The following TBK1 variants were observed in gnomAD, a reference collection of about 807,000 sequenced individuals.
TBK1 encodes the protein serine/threonine-protein kinase TBK1.
A neutral mutation model predicts 99.9 loss-of-function variants in TBK1; 37 were observed. The observed-to-expected ratio is 0.37, with a 90% CI of 0.28 to 0.49. The LOEUF is 0.49. Among genes scored for constraint, TBK1 ranks in the 20% least tolerant of loss-of-function variants. TBK1 has a pLI of 0.98. For synonymous variants in TBK1, 258 were observed against 279.8 expected (o/e 0.92, Z 0.78); for missense variants, 644 against 872.5 (o/e 0.74, Z 3.30).
chr12:64,479,890 A>T, intron 6 of TBK1, 122 bp from the exon 7 acceptor site: 1 of 600,666 alleles, frequency 1.7e-6, no homozygotes, highest in South Asian at 2.3e-5. Flanking sequence ...TGTGAGCATC[A>T]ATCACAAAGT....
intron 13 of TBK1, among the ~76,000 whole-genome samples, chr12:64,492,654 G>T (rs953698067): frequency 2.6e-5 from 4 of 152,072 alleles, no homozygotes; most frequent in African/African-American, 7.2e-5. Flanking sequence ...ATAGCTTGAG[G>T]TAATGGAGTC....
At chr12:64,458,696 T>C (rs1431962432) in intron 2 of TBK1, among the ~76,000 whole-genome samples, 8 of 152,150 alleles carry the variant, frequency 5.3e-5, no homozygotes, top group Non-Finnish European at 1.0e-4. Flanking sequence ...AGTGGGTATA[T>C]TGCAAAATTG....
intron 2 of TBK1, among the ~76,000 whole-genome samples, chr12:64,458,086 A>AACACACACACAC (rs71092969): frequency 7.7e-5 from 11 of 143,574 alleles, no homozygotes; most frequent in African/African-American, 2.8e-4. Flanking sequence ...GTCTCTACTA[A>AACACACACACAC]ACACACACAC....
At position 64,474,263 on chromosome 12, in the gene TBK1, A is replaced by G. The variant is rs781700275; in HGVS notation, c.574A>G (p.Lys192Glu). The part of the protein sequence containing the change: ...PDMYERAVLR[K>E]DHQKKYGATV... Reference sequence around the variant, plus strand: ...TATGTATGAGAGAGCAGTGCTAAGAAAAGATCATCAGAAGAAATATGGAGC... The same window carrying G: ...TATGTATGAGAGAGCAGTGCTAAGAGAAGATCATCAGAAGAAATATGGAGC... Residue 192 changes from lysine to glutamate, a missense_variant, in exon 6 of 21, where the codon AAA becomes GAA. By Grantham distance (56) the Lys-to-Glu change is moderately conservative. Coordinates refer to ENST00000331710, the MANE Select transcript of TBK1 (RefSeq NM_013254.4). 6.2e-6 allele frequency: 10 copies of G among 1,614,050 alleles called. No homozygotes were observed. The highest frequency in any genetic ancestry group is 1.1e-5 in the South Asian group (1 of 91,066).
chr12:64,470,342 T>C (rs2136066446), intron 5 of TBK1, among the ~76,000 whole-genome samples: 1 of 152,244 alleles, frequency 6.6e-6, no homozygotes, highest in East Asian at 1.9e-4. Context: ...ATAATAGATA[T>C]TTAATATGTA....
chr12:64,465,140 G>A (rs1448389943), intron 4 of TBK1, among the ~76,000 whole-genome samples: 3 of 150,676 alleles, frequency 2.0e-5, no homozygotes, highest in African/African-American at 7.3e-5. Context: ...AGCTACTCAG[G>A]AGGCTGTGGT....
chr12:64,497,621 C>CTTTTTT (rs71092972), intron 18 of TBK1, 27 bp from the exon 19 acceptor site: 7 of 1,025,110 alleles, frequency 6.8e-6, no homozygotes, highest in Middle Eastern at 2.8e-4. Context: ...GGGTTTTTTT[C>CTTTTTT]TTTTTTTTTT....
At chr12:64,464,574 T>C (rs759310252) in intron 4 of TBK1, 111 bp downstream of exon 4, 8 of 799,984 alleles carry the variant, frequency 1.0e-5, no homozygotes, top group Non-Finnish European at 1.4e-5. Flanking sequence ...CTTCATTAGA[T>C]ATGACACCAA....
chr12:64,485,902 A>G lies in TBK1; in HGVS notation c.1249-24A>G, dbSNP rs751782432. 3.9e-6 allele frequency: 6 copies of G among 1,523,652 alleles called. No homozygotes were observed. The South Asian group carries it at 7.6e-5, about 19-fold the overall frequency. The allele number at this position is 1,523,652 out of a possible 1,614,324, so 94.4% of individuals were successfully genotyped here. On this transcript the variant is annotated intron_variant, in intron 10 of 20. Transcript: ENST00000331710. ...CCCTATACCACAATTAGCACCAAAT[A>G]TTGACATTTTATTTCTTTATTAGGC...
chr12:64,454,613 GT>G (rs930761158), intron 1 of TBK1, among the ~76,000 whole-genome samples: 20 of 128,164 alleles, frequency 1.6e-4, no homozygotes, highest in African/African-American at 5.4e-4. Context: ...ATTGGTTAAT[GT>G]TTTTTTTTTC....
Position 64,467,044 on chromosome 12 carries a change from G to A in TBK1, c.502G>A (p.Glu168Lys). 6.2e-7 allele frequency: 1 copy of A among 1,609,696 alleles called. No homozygotes were observed. The highest frequency in any genetic ancestry group is 8.5e-7 in the Non-Finnish European group (1 of 1,177,910). ...FGAARELEDDEQFVSLYGTEE... is the reference protein window; with the variant it reads ...FGAARELEDDKQFVSLYGTEE... ...TGCAGCTAGAGAATTAGAAGATGAT[G>A]AGCAGTTTGTTTCTCTGTATGGCAC... The change falls in exon 5 of 21, where the codon GAG (glutamate) becomes AAG (lysine). Residue 168 changes from glutamate to lysine, a missense_variant. By Grantham distance (56) the Glu-to-Lys change is moderately conservative (BLOSUM62 1). Coordinates refer to ENST00000331710, the MANE Select transcript of TBK1 (RefSeq NM_013254.4).
At position 64,480,122 on chromosome 12, in the gene TBK1, G is replaced by A. The variant is rs56196591; in HGVS notation, c.812G>A (p.Arg271Gln). The change falls in exon 7 of 21, where the codon CGG becomes CAG. Residue 271 changes from arginine (R) to glutamine (Q), a missense_variant and splice_region_variant. This residue lies in a region of TBK1 where 465 missense variants were observed against 588.0 expected (regional missense o/e 0.79). Coordinates refer to ENST00000331710, the MANE Select transcript of TBK1 (RefSeq NM_013254.4). ...GDMPVSCSLSRGLQVLLTPVL... is the reference protein window; with the variant it reads ...GDMPVSCSLSQGLQVLLTPVL... ...ATGCCTGTTTCTTGCAGTCTTTCTCGGTAAGTATGGTGTACCTAATTCTCA... is the reference window on the plus strand; with the variant it reads ...ATGCCTGTTTCTTGCAGTCTTTCTCAGTAAGTATGGTGTACCTAATTCTCA... 114 of 1,607,382 alleles carry A rather than the reference G, an allele frequency of 7.1e-5. 1 individual carries two copies. In the African/African-American group the frequency reaches 1.1e-3, roughly 15 times the overall value.
rs1430032111 is a variant in TBK1 at position 64,484,517 on chromosome 12, T to G, written c.1189+18T>G. ...TGAAAAAAGTAAGTTGGGATTTTTC[T>G]TGTCGTTCTTACTAGCCATTAGAAA... On this transcript the variant is annotated intron_variant, in intron 9 of 20. Transcript: ENST00000331710. The G allele has an allele frequency of 6.3e-7, 1 of 1,591,158 alleles. No homozygotes were observed. The highest frequency in any genetic ancestry group is 1.8e-5 in the Admixed American group (1 of 55,264).
intron 8 of TBK1, among the ~76,000 whole-genome samples, chr12:64,483,146 A>T (rs1354872664): frequency 1.3e-5 from 2 of 152,234 alleles, no homozygotes; most frequent in Non-Finnish European, 2.9e-5. Context: ...TAGCTAAAAA[A>T]ATATAATTTG....
At chr12:64,486,069 A>G in intron 11 of TBK1, 52 bp downstream of exon 11, 1 of 1,268,178 alleles carries the variant, frequency 7.9e-7, no homozygotes. Flanking sequence ...ACCTTGCCCC[A>G]TCATTGATAT....
intron 1 of TBK1, chr12:64,452,826 C>G (rs1433355412): frequency 2.6e-5 from 4 of 152,216 alleles, no homozygotes; most frequent in African/African-American, 9.6e-5. Context: ...TTTGTAATCT[C>G]TATCCCAAGT....
chr12:64,494,600 T>C (rs1161912682), intron 13 of TBK1, among the ~76,000 whole-genome samples: 1 of 152,058 alleles, frequency 6.6e-6, no homozygotes, highest in Non-Finnish European at 1.5e-5. Flanking sequence ...ATAAGGAAAA[T>C]AGTCAATCTG....
Position 64,452,799 on chromosome 12 carries a change from C to T in TBK1, c.-32+612C>T, listed in dbSNP as rs542700200. ...AGACATTTCCTTGCTCCTCGTCTAC[C>T]TGGCTTATGGGTTTAATTTGTAATC... is the stretch of plus-strand genomic sequence containing the variant. On this transcript the variant is annotated intron_variant, in intron 1 of 20. Transcript: ENST00000331710. 9.2e-5 allele frequency: 14 copies of T among 152,318 alleles called. No homozygotes were observed. In the South Asian group the frequency reaches 2.3e-3, roughly 25 times the overall value. 9.4% of individuals were successfully genotyped at this position (152,318 alleles called of 1,614,324 possible).
intron 5 of TBK1, 27 bp downstream of exon 5, chr12:64,467,109 A>G (rs2040613888): frequency 6.7e-7 from 1 of 1,502,468 alleles, no homozygotes; most frequent in Non-Finnish European, 9.0e-7. Context: ...TAATATTTTC[A>G]TTTAAAGAAG....
Sources: gnomAD v4.1 joint callset for allele counts (sites outside exome capture counted in the v4.1 genomes callset) on GRCh38, gnomAD v4.1.1 for gene constraint, gnomAD v4.1.1 regional missense constraint, MANE v1.5 for transcripts, NCBI Gene and HGNC (gene_info 2026-07-23, HGNC 2026-07-21) for gene names.